The following TRANK1 variants were observed in gnomAD, a reference collection of about 807,000 sequenced individuals.
TRANK1 encodes the protein TPR and ankyrin repeat-containing protein 1.
TRANK1 carries 198 observed loss-of-function variants against 266.0 expected under a neutral mutation model. The ratio of observed to expected loss-of-function variants is 0.74; its 90% confidence interval spans 0.66 to 0.84. TRANK1 has a LOEUF of 0.84. Among genes scored for constraint, TRANK1 ranks in the 40% least tolerant of loss-of-function variants. TRANK1 has a pLI of 0.00. For synonymous variants in TRANK1, 1,396 were observed against 1,384.1 expected (o/e 1.01, Z -0.19); for missense variants, 3,326 against 3,634.6 (o/e 0.92, Z 2.18).
In TRANK1 at chr3:36,874,442, C is replaced by T. The variant is rs1056863435; in HGVS notation, c.908-146G>A. 3 of 797,676 alleles carry T rather than the reference C, an allele frequency of 3.8e-6. No homozygotes were observed. The African/African-American group carries it at 5.2e-5, about 14-fold the overall frequency. 49.4% of individuals were successfully genotyped at this position (797,676 alleles called of 1,614,324 possible). ...TGTTTGTGGAGCCTGCACTGCTAGCCTCAGGTAGTCCACTCAACTCCCTGA... is the reference window on the plus strand; with the variant it reads ...TGTTTGTGGAGCCTGCACTGCTAGCTTCAGGTAGTCCACTCAACTCCCTGA... On this transcript the variant is annotated intron_variant, in intron 8 of 23. Transcript: ENST00000645898.
intron 18 of TRANK1, among the ~76,000 whole-genome samples, chr3:36,841,142 C>A (rs2078838163): frequency 6.6e-6 from 1 of 152,212 alleles, no homozygotes; most frequent in African/African-American, 2.4e-5. Context: ...TTCCCAGAAC[C>A]TTTACTCAGG....
In TRANK1 at chr3:36,831,023, G is replaced by T. The variant is rs764779991; in HGVS notation, c.8560C>A (p.Leu2854Met). ...KVDPAIDEGK[L>M]VVQDIEQSVW... The stretch of plus-strand genomic sequence containing the variant: ...CTTTGCTCGATGTCCTGCACCACCA[G>T]CTTGCCTTCATCAATGGCCGGGTCC... Residue 2854 changes from leucine to methionine, a missense_variant, in exon 22 of 24, where the codon CTG (leucine) becomes ATG (methionine). Leu to Met is a conservative substitution (Grantham distance 15). Transcript: ENST00000645898. The surrounding 1 kb of genome is among the most constrained non-coding windows in gnomAD (Gnocchi z 5.0). 1 of 1,614,032 alleles carries T rather than the reference G, an allele frequency of 6.2e-7. No individual in the cohort carries two copies. Among genetic ancestry groups the T allele is most frequent in the East Asian group, 2.2e-5 (1 of 44,884 alleles).
intron 6 of TRANK1, 29 bp downstream of exon 6, chr3:36,892,872 G>GATATATATATAGATATATAT: frequency 3.3e-6 from 2 of 597,694 alleles, no homozygotes; most frequent in Non-Finnish European, 4.7e-6. Flanking sequence ...TATATATATA[G>GATATATATATAGATATATAT]ATATATATAG....
chr3:36,918,514 A>AAGGAAGGAAG (rs1559473242), intron 1 of TRANK1, among the ~76,000 whole-genome samples: 7 of 36,306 alleles, frequency 1.9e-4, no homozygotes, highest in African/African-American at 7.9e-4. Context: ...AAAGAAAGAA[A>AAGGAAGGAAG]GAAAGAAAGA....
At chr3:36,870,929 C>T (rs142938545) in intron 9 of TRANK1, among the ~76,000 whole-genome samples, 1 of 88,302 alleles carries the variant, frequency 1.1e-5, no homozygotes, top group Non-Finnish European at 2.1e-5. Context: ...TTAGGATTAA[C>T]AGATATTCAA....
At chr3:36,925,801 G>C (rs1227697259) in intron 1 of TRANK1, among the ~76,000 whole-genome samples, 1 of 152,000 alleles carries the variant, frequency 6.6e-6, no homozygotes, top group Admixed American at 6.6e-5. Context: ...GGCCAGGATG[G>C]TCTTGATCTC....
chr3:36,836,018 G>C (rs755511717), intron 20 of TRANK1, among the ~76,000 whole-genome samples: 4 of 152,140 alleles, frequency 2.6e-5, no homozygotes, highest in Non-Finnish European at 5.9e-5. Flanking sequence ...AAATAAAAAT[G>C]CTCAACTTTA....
intron 9 of TRANK1, among the ~76,000 whole-genome samples, chr3:36,866,577 T>C (rs926654364): frequency 6.6e-6 from 1 of 152,208 alleles, no homozygotes; most frequent in African/African-American, 2.4e-5. Flanking sequence ...TGAGTCACAC[T>C]TCAGAGTGGT....
chr3:36,941,329 A>C (rs1033864058), intron 1 of TRANK1, among the ~76,000 whole-genome samples: 3 of 152,208 alleles, frequency 2.0e-5, no homozygotes, highest in African/African-American at 7.2e-5. Flanking sequence ...GCTTGGCTCC[A>C]AAAGACACAC....
intron 17 of TRANK1, among the ~76,000 whole-genome samples, chr3:36,844,557 T>G (rs545615015): frequency 7.9e-5 from 12 of 152,206 alleles, no homozygotes; most frequent in African/African-American, 2.9e-4. Flanking sequence ...TGCCAGAACA[T>G]ACTTGGGGAA....
At chr3:36,893,456 C>T (rs963018773) in intron 5 of TRANK1, among the ~76,000 whole-genome samples, 17 of 152,168 alleles carry the variant, frequency 1.1e-4, no homozygotes, top group African/African-American at 4.1e-4. Flanking sequence ...CGGCTCCTAT[C>T]AGCTACTGAG....
upstream of TRANK1, among the ~76,000 whole-genome samples, chr3:36,945,389 G>A (rs751891912): frequency 6.6e-6 from 1 of 152,170 alleles, no homozygotes; most frequent in Non-Finnish European, 1.5e-5. Flanking sequence ...CTCCAACAAA[G>A]GACGTACGGA....
At position 36,855,224 on chromosome 3, in the gene TRANK1, G is replaced by T; in HGVS notation, c.4498C>A (p.Arg1500=). The T allele has an allele frequency of 6.2e-7, 1 of 1,613,946 alleles. No individual in the cohort carries two copies. The highest frequency in any genetic ancestry group is 8.5e-7 in the Non-Finnish European group (1 of 1,179,850). Reference sequence around the variant, plus strand: ...AGCTGGTGGATCTTCTTGGGCTTCCGGACAGCACACTGCTTGTCTATGGTG... The same window carrying T: ...AGCTGGTGGATCTTCTTGGGCTTCCTGACAGCACACTGCTTGTCTATGGTG... ...RNTIDKQCAV[R]KPKKIHQLYQ... The change falls in exon 13 of 24, where the codon CGG becomes AGG. Residue 1500 remains arginine (R), a synonymous_variant. Transcript: ENST00000645898.
chr3:36,857,705 G>A lies in TRANK1; in HGVS notation c.2017C>T (p.Pro673Ser). The change falls in exon 13 of 24, where the codon CCT (proline) becomes TCT (serine). Residue 673 changes from proline (P) to serine (S), a missense_variant. Physicochemically the swap from Pro to Ser is moderately conservative, Grantham distance 74. Coordinates refer to ENST00000645898, the MANE Select transcript of TRANK1 (RefSeq NM_001329998.2). The surrounding 1 kb of genome is among the most constrained non-coding windows in gnomAD (Gnocchi z 4.3). ...GACTTGAGCTGAGATGTGTGACCAG[G>A]GGCAGTGGACTTTGAGAGCTTCCCC... ...HLGKLSKSTA[P>S]GHTSQLKSQG... 4 of 1,613,988 alleles carry A rather than the reference G, an allele frequency of 2.5e-6. No homozygotes were observed. The highest frequency in any genetic ancestry group is 2.5e-6 in the Non-Finnish European group (3 of 1,179,894).
At chr3:36,860,445 C>G (rs945410104) in intron 11 of TRANK1, among the ~76,000 whole-genome samples, 11 of 152,202 alleles carry the variant, frequency 7.2e-5, no homozygotes, top group African/African-American at 2.7e-4. Context: ...GATGCTTCCA[C>G]CCACCAATTA....
chr3:36,853,387 C>G (rs546373542), intron 13 of TRANK1, among the ~76,000 whole-genome samples: 1 of 152,288 alleles, frequency 6.6e-6, no homozygotes, highest in South Asian at 2.1e-4. Flanking sequence ...ATATGTATCC[C>G]CATTGCTATT....
intron 2 of TRANK1, among the ~76,000 whole-genome samples, chr3:36,907,981 T>G (rs993110783): frequency 3.9e-5 from 6 of 152,164 alleles, no homozygotes; most frequent in African/African-American, 1.4e-4. Flanking sequence ...GGGTGTGCGC[T>G]GTGGCCACGG....
intron 8 of TRANK1, among the ~76,000 whole-genome samples, chr3:36,874,514 G>A (rs896895744): frequency 1.3e-5 from 2 of 152,078 alleles, no homozygotes; most frequent in African/African-American, 4.8e-5. Context: ...CTTTCAAGAG[G>A]TTCAGAAGTG....
intron 8 of TRANK1, among the ~76,000 whole-genome samples, chr3:36,876,152 C>T (rs1016328643): frequency 6.6e-6 from 1 of 152,158 alleles, no homozygotes; most frequent in Admixed American, 6.5e-5. Context: ...TGAGAACCAC[C>T]CAGTTTTCCT....
Sources: gnomAD v4.1 joint callset for allele counts (sites outside exome capture counted in the v4.1 genomes callset) on GRCh38, gnomAD v4.1.1 for gene constraint, Gnocchi (gnomAD v3.1) non-coding constraint, MANE v1.5 for transcripts, NCBI Gene and HGNC (gene_info 2026-07-23, HGNC 2026-07-21) for gene names.